The following BARD1 variants were observed in gnomAD, a reference collection of about 807,000 sequenced individuals.
The protein encoded by BARD1 is BRCA1-associated RING domain protein 1.
In BARD1, 73 loss-of-function variants were observed where a neutral mutation model predicts 77.0. The ratio of observed to expected loss-of-function variants is 0.95; its 90% CI spans 0.79 to 1.15. The LOEUF (loss-of-function observed/expected upper bound fraction) is 1.15. BARD1 is among the 50% of genes most tolerant of loss of function. BARD1 has a pLI of 0.00. For missense variants in BARD1, 993 were observed against 938.8 expected (o/e 1.06, Z -0.75); for synonymous variants, 384 against 338.0 (o/e 1.14, Z -1.49).
chr2:214,738,454 A>C (rs572056438), intron 9 of BARD1, among the ~76,000 whole-genome samples: 1 of 152,142 alleles, frequency 6.6e-6, no homozygotes, highest in Non-Finnish European at 1.5e-5. Context: ...ACACTTTTCT[A>C]TAAAGAAACT....
Position 214,752,463 on chromosome 2 carries a change from G to C in BARD1, c.1661C>G (p.Ala554Gly). The C allele has an allele frequency of 6.2e-7, 1 of 1,611,870 alleles. No homozygotes were observed. The highest frequency in any genetic ancestry group is 1.7e-5 in the Admixed American group (1 of 60,000). The change falls in exon 7 of 11, where the codon GCT (alanine) becomes GGT (glycine). Residue 554 changes from alanine (A) to glycine (G), a missense_variant. Physicochemically the swap from Ala to Gly is moderately conservative, Grantham distance 60. Coordinates refer to ENST00000260947, the MANE Select transcript of BARD1 (RefSeq NM_000465.4). The stretch of plus-strand genomic sequence containing the variant: ...CATACTTACTACTGAGCAGTGGCTA[G>C]CTGAGGATGATTCATTCTTCTCTGG... ...LLPEKNESSS[A>G]SHCSVMNTGQ...
At chr2:214,778,118 C>A (rs1226078196) in intron 4 of BARD1, among the ~76,000 whole-genome samples, 4 of 152,036 alleles carry the variant, frequency 2.6e-5, no homozygotes, top group Non-Finnish European at 5.9e-5. Flanking sequence ...ATTGCTTGAA[C>A]CCAGGAGGCG....
At chr2:214,763,613 C>G (rs1288730860) in intron 6 of BARD1, among the ~76,000 whole-genome samples, 3 of 152,190 alleles carry the variant, frequency 2.0e-5, no homozygotes, top group East Asian at 1.9e-4. Context: ...GAGGGTCAGA[C>G]AGAATGGTGT....
intron 9 of BARD1, among the ~76,000 whole-genome samples, chr2:214,734,695 T>C (rs1056353634): frequency 1.3e-5 from 2 of 152,176 alleles, no homozygotes; most frequent in Admixed American, 6.5e-5. Context: ...CACACACCAA[T>C]ATTTTCTGGT....
chr2:214,780,497 T>G, intron 4 of BARD1, 63 bp downstream of exon 4: 4 of 1,436,960 alleles, frequency 2.8e-6, no homozygotes, highest in Non-Finnish European at 3.9e-6. Context: ...TTTCAAAAAC[T>G]GCAAAGAAAT....
At chr2:214,741,558 A>G (rs1017556437) in intron 9 of BARD1, among the ~76,000 whole-genome samples, 1 of 152,234 alleles carries the variant, frequency 6.6e-6, no homozygotes, top group East Asian at 1.9e-4. Context: ...GCCAAAATCA[A>G]CCTTGTATGA....
At position 214,728,057 on chromosome 2, in the gene BARD1, A is replaced by G. The variant is rs542472952; in HGVS notation, c.*619T>C. The G allele has an allele frequency of 4.0e-5, 9 of 226,354 alleles. No homozygotes were observed. The highest frequency in any genetic ancestry group is 1.8e-4 in the African/African-American group (8 of 45,114). 14.0% of individuals were successfully genotyped at this position (226,354 alleles called of 1,614,324 possible). ...TTTTACCACACACACAAAAAAACCA[A>G]TGTTAATGATTAAATCACAATTTCC... On this transcript the variant is annotated 3_prime_UTR_variant, in exon 11 of 11. Coordinates refer to ENST00000260947, the MANE Select transcript of BARD1 (RefSeq NM_000465.4).
rs202118376 is a variant in BARD1 at position 214,780,936 on chromosome 2, G to T, written c.938C>A (p.Ser313Tyr). ...TTTTCCATTATTTTCTAATGGCAAA[G>T]ATTTCTTAGATGTAAGATAATTTTT... ...VCKNYLTSKK[S>Y]LPLENNGKRG... is the part of the protein sequence containing the mutation. Residue 313 changes from serine to tyrosine, a missense_variant, in exon 4 of 11, where the codon TCT (serine) becomes TAT (tyrosine). Transcript: ENST00000260947. 4 of 1,613,882 alleles carry T rather than the reference G, an allele frequency of 2.5e-6. No individual in the cohort carries two copies. Among genetic ancestry groups the T allele is most frequent in the Non-Finnish European group, 3.4e-6 (4 of 1,179,898 alleles).
intron 1 of BARD1, among the ~76,000 whole-genome samples, chr2:214,805,372 G>C (rs1005967665): frequency 6.6e-6 from 1 of 152,166 alleles, no homozygotes; most frequent in Non-Finnish European, 1.5e-5. Context: ...CAGTGTCTCA[G>C]TGATTTCTCG....
At chr2:214,759,775 T>C (rs975990024) in intron 6 of BARD1, among the ~76,000 whole-genome samples, 36 of 151,896 alleles carry the variant, frequency 2.4e-4, no homozygotes, top group Non-Finnish European at 4.1e-4. Flanking sequence ...TGGGAAAAAA[T>C]AGGATTGGGA....
intron 5 of BARD1, 117 bp downstream of exon 5, chr2:214,769,115 G>T (rs1694351074): frequency 3.6e-6 from 3 of 836,676 alleles, no homozygotes; most frequent in Admixed American, 2.5e-5. Flanking sequence ...GAAAACATAA[G>T]TTCTTCAGAC....
intron 3 of BARD1, among the ~76,000 whole-genome samples, chr2:214,791,075 A>G (rs1559435477): frequency 1.3e-5 from 2 of 152,206 alleles, no homozygotes; most frequent in Admixed American, 6.5e-5. Context: ...TACAACTACA[A>G]TATCATTTTT....
chr2:214,728,370 T>A lies in BARD1; in HGVS notation c.*306A>T, dbSNP rs1309668525. The A allele has an allele frequency of 8.3e-6, 3 of 361,870 alleles. No homozygotes were observed. The highest frequency in any genetic ancestry group is 1.5e-5 in the Non-Finnish European group (3 of 197,954). 22.4% of individuals were successfully genotyped at this position (361,870 alleles called of 1,614,324 possible). ...ACTCAAACAGTAATGATACCACTTG[T>A]CTATTTAACCAAGATTCTGGTGTCC... On this transcript the variant is annotated 3_prime_UTR_variant, in exon 11 of 11. Coordinates refer to ENST00000260947, the MANE Select transcript of BARD1 (RefSeq NM_000465.4).
intron 7 of BARD1, 22 bp from the exon 8 acceptor site, chr2:214,745,876 C>A (rs749650572): frequency 9.3e-6 from 15 of 1,613,336 alleles, no homozygotes; most frequent in Admixed American, 1.7e-5. Flanking sequence ...AAAGGAGATA[C>A]CAGTGTTAAA....
Position 214,752,444 on chromosome 2 carries a change from TA to T in BARD1, c.1677+2del. On this transcript the variant is annotated splice_donor_variant, in intron 7 of 10. Transcript: ENST00000260947. LOFTEE classifies it high-confidence loss of function. ...AATGTCCCAAAGCTAAATCCATACT[TA>T]CTACTGAGCAGTGGCTAGCTGAGGA... is the stretch of plus-strand genomic sequence containing the variant. 1 of 1,599,772 alleles carries T rather than the reference TA, an allele frequency of 6.3e-7. No homozygotes were observed.
At chr2:214,741,915 C>T (rs1466035633) in intron 9 of BARD1, among the ~76,000 whole-genome samples, 1 of 121,600 alleles carries the variant, frequency 8.2e-6, no homozygotes, top group Non-Finnish European at 1.8e-5. Flanking sequence ...CCAATGGATC[C>T]AAATCTTTTG....
chr2:214,757,087 T>G (rs1207128355), intron 6 of BARD1, among the ~76,000 whole-genome samples: 2 of 152,208 alleles, frequency 1.3e-5, no homozygotes, highest in African/African-American at 2.4e-5. Context: ...TCTCCCACCA[T>G]GACTGTAAGT....
At chr2:214,792,115 C>T (rs934921139) in intron 3 of BARD1, among the ~76,000 whole-genome samples, 182 bp downstream of exon 3, 3 of 147,694 alleles carry the variant, frequency 2.0e-5, no homozygotes, top group Non-Finnish European at 4.4e-5. Context: ...AGTTCAAGTC[C>T]GGCTTGGACA....
At chr2:214,807,230 C>T (rs1322231680) in intron 1 of BARD1, among the ~76,000 whole-genome samples, 2 of 151,104 alleles carry the variant, frequency 1.3e-5, no homozygotes, top group African/African-American at 2.4e-5. Context: ...AAAAAAAAAT[C>T]AATAGCATTC....
Sources: allele counts gnomAD v4.1 joint callset (sites outside exome capture counted in the v4.1 genomes callset), GRCh38; gene constraint gnomAD v4.1.1; transcripts MANE v1.5; gene names NCBI Gene and HGNC (gene_info 2026-07-23, HGNC 2026-07-21).